The following MICU3 variants were observed in gnomAD, a reference collection of about 807,000 sequenced individuals.
MICU3 encodes calcium uptake protein 3, mitochondrial.
MICU3 carries 62 observed loss-of-function variants against 66.5 expected under a neutral mutation model. That is an observed-to-expected ratio of 0.93 (90% CI 0.76 to 1.15). The LOEUF is 1.15. MICU3 is among the 50% of genes most tolerant of loss of function. The pLI is 0.00. For missense variants in MICU3, 779 were observed against 664.4 expected (o/e 1.17, Z -1.90); for synonymous variants, 308 against 240.7 (o/e 1.28, Z -2.59).
At chr8:17,081,668 A>T in intron 4 of MICU3, 25 bp from the exon 5 acceptor site, 1 of 746,472 alleles carries the variant, frequency 1.3e-6, no homozygotes, top group Non-Finnish European at 2.1e-6. Flanking sequence ...TTTTATATAT[A>T]TAACTGATAC....
At chr8:17,029,871 G>A (rs894429670) in intron 1 of MICU3, among the ~76,000 whole-genome samples, 7 of 152,180 alleles carry the variant, frequency 4.6e-5, no homozygotes, top group African/African-American at 1.7e-4. Flanking sequence ...TTCTGGAAAT[G>A]CTGTTTCTTT....
At chr8:17,080,205 T>G (rs561576205) in intron 4 of MICU3, among the ~76,000 whole-genome samples, 33 of 152,250 alleles carry the variant, frequency 2.2e-4, no homozygotes, top group African/African-American at 7.2e-4. Flanking sequence ...GTATTTTCTC[T>G]TTTCCTTGAC....
intron 9 of MICU3, among the ~76,000 whole-genome samples, chr8:17,101,497 G>A (rs1226923597): frequency 6.6e-6 from 1 of 151,832 alleles, no homozygotes; most frequent in East Asian, 1.9e-4. Context: ...ATCTGGATAA[G>A]TGCAACCTAC....
the MICU3 span, among the ~76,000 whole-genome samples, chr8:17,128,148 A>C: frequency 6.6e-6 from 1 of 151,932 alleles, no homozygotes; most frequent in African/African-American, 2.4e-5. Context: ...TTGAAACAGC[A>C]GTGAGGGAGA....
chr8:17,105,904 A>G (rs903116084), intron 11 of MICU3, among the ~76,000 whole-genome samples: 2 of 152,034 alleles, frequency 1.3e-5, no homozygotes, highest in African/African-American at 4.8e-5. Flanking sequence ...ATACCACCTC[A>G]TAAAAAACAG....
At chr8:17,102,371 A>G (rs2150805568) in intron 9 of MICU3, 1 of 152,116 alleles carries the variant, frequency 6.6e-6, no homozygotes, top group Admixed American at 6.6e-5. Flanking sequence ...CCTATAATTA[A>G]TACCAGATTT....
chr8:17,053,889 G>A (rs1350077901), intron 1 of MICU3, among the ~76,000 whole-genome samples: 1 of 152,164 alleles, frequency 6.6e-6, no homozygotes, highest in Non-Finnish European at 1.5e-5. Flanking sequence ...GGTGTAAGGT[G>A]TAATTTCCTA....
At chr8:17,129,547 G>T in the MICU3 span, among the ~76,000 whole-genome samples, 1 of 152,116 alleles carries the variant, frequency 6.6e-6, no homozygotes, top group Admixed American at 6.6e-5. Flanking sequence ...ATTGGAGACA[G>T]AAGAAATGAT....
chr8:17,076,010 A>C (rs1438836070), intron 3 of MICU3, among the ~76,000 whole-genome samples: 4 of 152,118 alleles, frequency 2.6e-5, no homozygotes, highest in Non-Finnish European at 2.9e-5. Context: ...AAATTTATTC[A>C]GAATGTTGTT....
At chr8:17,088,441 C>T (rs1799700786) in intron 7 of MICU3, among the ~76,000 whole-genome samples, 1 of 151,818 alleles carries the variant, frequency 6.6e-6, no homozygotes, top group Non-Finnish European at 1.5e-5. Flanking sequence ...AATTTTATTT[C>T]TTGTAAATAA....
chr8:17,083,678 G>T (rs1167661985), intron 5 of MICU3, among the ~76,000 whole-genome samples: 1 of 152,022 alleles, frequency 6.6e-6, no homozygotes, highest in Admixed American at 6.6e-5. Flanking sequence ...AACTAGTATT[G>T]TACCTTTTGT....
chr8:17,095,745 C>G (rs1800610148), intron 8 of MICU3, among the ~76,000 whole-genome samples: 1 of 151,774 alleles, frequency 6.6e-6, no homozygotes, highest in African/African-American at 2.4e-5. Context: ...CTCCTTCCCT[C>G]TTTATTTCCT....
chr8:17,072,259 A>G (rs1031485445), intron 3 of MICU3, among the ~76,000 whole-genome samples: 6 of 152,182 alleles, frequency 3.9e-5, no homozygotes, highest in South Asian at 2.1e-4. Context: ...CCAGGTATAT[A>G]TAGGTAGATC....
At chr8:17,054,485 CA>C (rs758483279) in intron 1 of MICU3, among the ~76,000 whole-genome samples, 12 of 152,068 alleles carry the variant, frequency 7.9e-5, no homozygotes, top group Non-Finnish European at 1.5e-4. Flanking sequence ...TTGAGTATAG[CA>C]ATCTGCCACC....
chr8:17,124,216 C>T (rs1010635250), downstream of MICU3, among the ~76,000 whole-genome samples: 5 of 152,074 alleles, frequency 3.3e-5, no homozygotes, highest in African/African-American at 1.2e-4. Flanking sequence ...TACAGTATAA[C>T]CTGAGTTAAT....
intron 11 of MICU3, among the ~76,000 whole-genome samples, chr8:17,112,129 C>G (rs1802255302): frequency 6.6e-6 from 1 of 152,114 alleles, no homozygotes; most frequent in Admixed American, 6.5e-5. Flanking sequence ...TCCCTCCCTC[C>G]CTGGACACGT....
At chr8:17,069,894 A>G (rs1385844140) in intron 3 of MICU3, among the ~76,000 whole-genome samples, 175 bp downstream of exon 3, 1 of 151,984 alleles carries the variant, frequency 6.6e-6, no homozygotes, top group African/African-American at 2.4e-5. Flanking sequence ...GTCAGAAAAT[A>G]AAAAGGTGGA....
intron 9 of MICU3, among the ~76,000 whole-genome samples, chr8:17,099,359 T>C (rs1801055227): frequency 6.6e-6 from 1 of 151,822 alleles, no homozygotes; most frequent in Non-Finnish European, 1.5e-5. Flanking sequence ...CATTTCTTTT[T>C]CTAAACTTTA....
At chr8:17,077,103 C>T (rs996531894) in intron 3 of MICU3, among the ~76,000 whole-genome samples, 1 of 152,076 alleles carries the variant, frequency 6.6e-6, no homozygotes, top group African/African-American at 2.4e-5. Context: ...CAGTAGTTTC[C>T]GAGCAGCAGT....
Sources: gnomAD v4.1 joint callset for allele counts (sites outside exome capture counted in the v4.1 genomes callset) on GRCh38, gnomAD v4.1.1 for gene constraint, MANE v1.5 for transcripts, NCBI Gene and HGNC (gene_info 2026-07-23, HGNC 2026-07-21) for gene names.